The following TRMT11 variants were observed in gnomAD, a reference collection of about 807,000 sequenced individuals.
The protein encoded by TRMT11 is tRNA methyltransferase 11.
A neutral mutation model predicts 62.8 loss-of-function variants in TRMT11; 53 were observed. The ratio of observed to expected loss-of-function variants is 0.84; its 90% CI spans 0.68 to 1.06. TRMT11 has a LOEUF of 1.06. TRMT11 is among the 50% of genes least tolerant of loss of function. TRMT11 has a pLI of 0.00. For missense variants in TRMT11, 556 were observed against 553.4 expected (o/e 1.00, Z -0.05); for synonymous variants, 188 against 190.3 (o/e 0.99, Z 0.10).
chr6:126,238,080 G>A, the TRMT11 span, among the ~76,000 whole-genome samples: 1 of 151,982 alleles, frequency 6.6e-6, no homozygotes, highest in Non-Finnish European at 1.5e-5. Flanking sequence ...TTTTTATTGT[G>A]TCTATTTGAT....
intron 21 of TRMT11, among the ~76,000 whole-genome samples, chr6:126,160,723 C>T (rs1326142318): frequency 1.3e-5 from 2 of 152,084 alleles, no homozygotes; most frequent in African/African-American, 4.8e-5. Context: ...CCTGTTTAAT[C>T]CCAAACTGAA....
chr6:126,118,701 C>A (rs1017575195), intron 21 of TRMT11, among the ~76,000 whole-genome samples: 1 of 151,738 alleles, frequency 6.6e-6, no homozygotes, highest in African/African-American at 2.4e-5. Context: ...TTCTTATTTT[C>A]TTCTGATTTA....
At chr6:126,213,560 A>G in the TRMT11 span, among the ~76,000 whole-genome samples, 1 of 152,230 alleles carries the variant, frequency 6.6e-6, no homozygotes, top group African/African-American at 2.4e-5. Context: ...TGCTGTTGAC[A>G]TATAGAAAGG....
chr6:126,245,654 G>T, the TRMT11 span, among the ~76,000 whole-genome samples: 1 of 152,220 alleles, frequency 6.6e-6, no homozygotes, highest in Non-Finnish European at 1.5e-5. Context: ...ACAGAAGTTT[G>T]ATTATAGTAA....
the TRMT11 span, among the ~76,000 whole-genome samples, chr6:126,265,132 G>A: frequency 6.6e-5 from 10 of 152,112 alleles, no homozygotes; most frequent in East Asian, 1.5e-3. Flanking sequence ...ACCTGTATAC[G>A]TGTTAATGTA....
At chr6:126,036,017 G>C (rs1775120503) in intron 12 of TRMT11, among the ~76,000 whole-genome samples, 2 of 152,102 alleles carry the variant, frequency 1.3e-5, no homozygotes, top group South Asian at 4.1e-4. Flanking sequence ...GCCTGGGTCA[G>C]CTTGCTGGAA....
At chr6:126,021,038 A>G (rs1473445225) in intron 11 of TRMT11, 122 bp from the exon 12 acceptor site, 1 of 1,087,814 alleles carries the variant, frequency 9.2e-7, no homozygotes, top group Non-Finnish European at 1.3e-6. Flanking sequence ...GTGGACAGTT[A>G]GCATATGTGG....
At chr6:126,089,742 AG>A (rs1777253413) in intron 17 of TRMT11, among the ~76,000 whole-genome samples, 2 of 152,256 alleles carry the variant, frequency 1.3e-5, no homozygotes, top group South Asian at 4.1e-4. Context: ...GTAAGTCATT[AG>A]GAATTTATGT....
At chr6:125,999,332 T>A in intron 6 of TRMT11, 125 bp from the exon 7 acceptor site, 1 of 583,614 alleles carries the variant, frequency 1.7e-6, no homozygotes, top group Non-Finnish European at 2.8e-6. Flanking sequence ...TTTAAATAAA[T>A]AAGTTTAGAG....
intron 1 of TRMT11, among the ~76,000 whole-genome samples, chr6:126,196,150 G>A (rs991164817): frequency 6.6e-6 from 1 of 152,114 alleles, no homozygotes; most frequent in African/African-American, 2.4e-5. Context: ...ACCCTGGAAA[G>A]TCAAAAACTA....
chr6:126,155,864 G>A (rs1307858252), intron 21 of TRMT11, among the ~76,000 whole-genome samples: 1 of 152,174 alleles, frequency 6.6e-6, no homozygotes, highest in Non-Finnish European at 1.5e-5. Context: ...GGGACTACAC[G>A]TGCCCGCCAC....
At chr6:126,267,264 G>A in the TRMT11 span, among the ~76,000 whole-genome samples, 172 of 152,260 alleles carry the variant, frequency 1.1e-3, no homozygotes, top group African/African-American at 3.9e-3. Context: ...ATGATTTAAT[G>A]TACATGTGAT....
intron 11 of TRMT11, among the ~76,000 whole-genome samples, chr6:126,020,702 G>A (rs1292318957): frequency 2.0e-5 from 3 of 152,180 alleles, no homozygotes; most frequent in South Asian, 4.1e-4. Context: ...TTAACAAGAC[G>A]TTATTAAAAT....
intron 18 of TRMT11, among the ~76,000 whole-genome samples, chr6:126,113,046 G>A (rs1777549964): frequency 6.6e-6 from 1 of 152,018 alleles, no homozygotes; most frequent in South Asian, 2.1e-4. Context: ...AGACATAGAG[G>A]TGAACTCCCT....
At chr6:126,027,269 A>G (rs996931433) in intron 12 of TRMT11, among the ~76,000 whole-genome samples, 93 of 152,270 alleles carry the variant, frequency 6.1e-4, no homozygotes, top group African/African-American at 2.2e-3. Flanking sequence ...ACTGAGGTAT[A>G]ATAGTTACGT....
chr6:126,044,002 G>A (rs1775966634), downstream of TRMT11, among the ~76,000 whole-genome samples: 1 of 151,808 alleles, frequency 6.6e-6, no homozygotes, highest in African/African-American at 2.4e-5. Context: ...CATTCTGTAG[G>A]TTGCCTGTTC....
intron 21 of TRMT11, among the ~76,000 whole-genome samples, chr6:126,144,154 T>C (rs1224688914): frequency 6.6e-6 from 1 of 152,218 alleles, no homozygotes; most frequent in East Asian, 1.9e-4. Context: ...TAGGTTTTGC[T>C]TGGCCAATTG....
Position 125,995,993 on chromosome 6 carries a change from C to T in TRMT11, c.165C>T (p.Pro55=). 6.2e-7 allele frequency: 1 copy of T among 1,612,026 alleles called. No individual in the cohort carries two copies. The highest frequency in any genetic ancestry group is 8.5e-7 in the Non-Finnish European group (1 of 1,178,156). Residue 55 remains proline (P), a synonymous_variant, in exon 3 of 13, where the codon CCC becomes CCT. Coordinates refer to ENST00000334379, the MANE Select transcript of TRMT11 (RefSeq NM_001031712.3). ...CACCATTTTGGATTCTTAGCATTCC[C>T]TCTGAAGATATTGCAAGAAATTTGA... ...GKSPFWILSI[P]SEDIARNLMK...
the TRMT11 span, among the ~76,000 whole-genome samples, chr6:126,258,518 T>C: frequency 6.6e-6 from 1 of 152,230 alleles, no homozygotes; most frequent in Non-Finnish European, 1.5e-5. Flanking sequence ...AGGTCTGCCC[T>C]TGCTGCGCCC....
Sources: gnomAD v4.1 joint callset for allele counts (sites outside exome capture counted in the v4.1 genomes callset) on GRCh38, gnomAD v4.1.1 for gene constraint, MANE v1.5 for transcripts, NCBI Gene and HGNC (gene_info 2026-07-23, HGNC 2026-07-21) for gene names.